The following RTN2 variants were observed in gnomAD, a reference collection of about 807,000 sequenced individuals.
The protein encoded by RTN2 is reticulon-2.
Under a neutral mutation model 63.7 loss-of-function variants are expected in RTN2, and 36 were observed. The observed-to-expected ratio is 0.56, with a 90% CI of 0.43 to 0.75. The LOEUF is 0.75. RTN2 is among the 30% of genes least tolerant of loss of function. RTN2 has a pLI of 0.00. For synonymous variants in RTN2, 312 were observed against 313.0 expected (o/e 1.00, Z 0.03); for missense variants, 673 against 705.1 (o/e 0.95, Z 0.52).
At chr19:45,487,589 T>TTG (rs1968054273) in intron 9 of RTN2, among the ~76,000 whole-genome samples, 1 of 143,634 alleles carries the variant, frequency 7.0e-6, no homozygotes, top group African/African-American at 2.6e-5. Flanking sequence ...TTTGGTTTTT[T>TTG]TTTTTTTTTT....
At chr19:45,486,825 C>A (rs1458694916) in intron 9 of RTN2, among the ~76,000 whole-genome samples, 9 of 148,148 alleles carry the variant, frequency 6.1e-5, no homozygotes, top group Non-Finnish European at 1.0e-4. Context: ...ACCACTGCCT[C>A]CCGGGTTCAA....
rs761869759 is a variant in RTN2 at position 45,494,634 on chromosome 19, C to T, written c.451G>A (p.Ala151Thr). The stretch of plus-strand genomic sequence containing the variant: ...TCCTCCCCGGATCCCGTTCCCCGGG[C>T]CACCCAGCCCAGATGGTCCAACCGA... ...RLRLDHLGWV[A>T]RGTGSGEDSS... The change falls in exon 3 of 11, where the codon GCC becomes ACC. Residue 151 changes from alanine (A) to threonine (T), a missense_variant. By Grantham distance (58) the Ala-to-Thr change is moderately conservative (BLOSUM62 0). Coordinates refer to ENST00000245923, the MANE Select transcript of RTN2 (RefSeq NM_005619.5). The surrounding 1 kb of genome is among the most constrained non-coding windows in gnomAD (Gnocchi z 5.3). 6.2e-7 allele frequency: 1 copy of T among 1,613,902 alleles called. No individual in the cohort carries two copies. Among genetic ancestry groups the T allele is most frequent in the Non-Finnish European group, 8.5e-7 (1 of 1,180,028 alleles).
chr19:45,489,763 C>T (rs920936615), intron 5 of RTN2, among the ~76,000 whole-genome samples: 1 of 150,102 alleles, frequency 6.7e-6, no homozygotes, highest in South Asian at 2.1e-4. Flanking sequence ...ACTGCAGCCT[C>T]GATCTCCTGG....
intron 5 of RTN2, among the ~76,000 whole-genome samples, chr19:45,490,535 CTGTGTGTGTGTGTGTGTGTGTGTGTG>C (rs56279132): frequency 6.9e-6 from 1 of 145,766 alleles, no homozygotes; most frequent in African/African-American, 2.6e-5. Context: ...GGTTGTGTGT[CTGTGTGTGTGTGTGTGTGTGTGTGTG>C]TGTGTGTGTT....
At chr19:45,495,278 C>T (rs1599914969) in intron 1 of RTN2, 139 bp from the exon 2 acceptor site, 1 of 944,032 alleles carries the variant, frequency 1.1e-6, no homozygotes, top group East Asian at 2.6e-5. Flanking sequence ...AACCTAGCAT[C>T]ACTGCCTGAT....
Position 45,494,204 on chromosome 19 carries a change from G to A in RTN2, c.776C>T (p.Thr259Met). Reference protein sequence around the residue: ...EPVRGQCLDSTDQLEFTVEPR... With the variant: ...EPVRGQCLDSMDQLEFTVEPR... ...CTCCACCGTGAATTCTAATTGGTCC[G>A]TGCTATCGAGGCACTGTCCCCTTAC... Residue 259 changes from threonine (T) to methionine (M), a missense_variant, in exon 4 of 11, where the codon ACG becomes ATG. Physicochemically the swap from Thr to Met is moderately conservative, Grantham distance 81. Transcript: ENST00000245923. The surrounding 1 kb of genome is among the most constrained non-coding windows in gnomAD (Gnocchi z 5.3). The A allele has an allele frequency of 6.2e-7, 1 of 1,607,358 alleles. No homozygotes were observed. Among genetic ancestry groups the A allele is most frequent in the African/African-American group, 1.3e-5 (1 of 74,992 alleles).
In RTN2 at chr19:45,494,681, C is replaced by T. The variant is rs1158609094; in HGVS notation, c.404G>A (p.Arg135His). ...GDPDTAPPSE[R>H]PLEDLRLRLD... ...CCGAAGCCTCAGGTCTTCCAGAGGGCGCTCGGATGGAGGCGCGGTGTCAGG... is the reference window on the plus strand; with the variant it reads ...CCGAAGCCTCAGGTCTTCCAGAGGGTGCTCGGATGGAGGCGCGGTGTCAGG... Residue 135 changes from arginine to histidine, a missense_variant, in exon 3 of 11, where the codon CGC becomes CAC. By Grantham distance (29) the Arg-to-His change is conservative. Coordinates refer to ENST00000245923, the MANE Select transcript of RTN2 (RefSeq NM_005619.5). The surrounding 1 kb of genome is among the most constrained non-coding windows in gnomAD (Gnocchi z 5.3). 10 of 1,613,642 alleles carry T rather than the reference C, an allele frequency of 6.2e-6. No individual in the cohort carries two copies. In the East Asian group the frequency reaches 1.6e-4, roughly 25 times the overall value.
chr19:45,490,088 G>C (rs564439856), intron 5 of RTN2, among the ~76,000 whole-genome samples: 1 of 151,952 alleles, frequency 6.6e-6, no homozygotes, highest in African/African-American at 2.4e-5. Context: ...TGCAACCTCC[G>C]CCTCCCTGGT....
Position 45,497,018 on chromosome 19 carries a change from C to T in RTN2, c.-193G>A, listed in dbSNP as rs975041947. ...GCCCTGGTGCTCGGCTCGGCGGGGG[C>T]GGGCGGGGCCGAGGTGGGGAAGGCA... On this transcript the variant is annotated 5_prime_UTR_variant, in exon 1 of 11. Transcript: ENST00000245923. The T allele has an allele frequency of 5.0e-5, 12 of 241,426 alleles. No homozygotes were observed. Among genetic ancestry groups the T allele is most frequent in the Non-Finnish European group, 6.9e-5 (9 of 131,180 alleles). 15.0% of individuals were successfully genotyped at this position (241,426 alleles called of 1,614,324 possible).
rs2122229330 is a variant in RTN2 at position 45,495,106 on chromosome 19, T to C, written c.68A>G (p.Asp23Gly). 3 of 1,614,090 alleles carry C rather than the reference T, an allele frequency of 1.9e-6. No individual in the cohort carries two copies. Among genetic ancestry groups the C allele is most frequent in the Non-Finnish European group, 2.5e-6 (3 of 1,180,006 alleles). ...EAPSTASSTP[D>G]STEGGNDDSD... ...TCCCCACCACTTACCTTCTGTGGAA[T>C]CAGGAGTTGAGGAGGCTGTAGACGG... The change falls in exon 2 of 11, where the codon GAT becomes GGT. Residue 23 changes from aspartate to glycine, a missense_variant. By Grantham distance (94) the Asp-to-Gly change is moderately conservative. Coordinates refer to ENST00000245923, the MANE Select transcript of RTN2 (RefSeq NM_005619.5).
At position 45,489,561 on chromosome 19, in the gene RTN2, G is replaced by A; in HGVS notation, c.1034-8C>T. 4.4e-6 allele frequency: 7 copies of A among 1,583,036 alleles called. No homozygotes were observed. The highest frequency in any genetic ancestry group is 5.2e-6 in the Non-Finnish European group (6 of 1,164,560). On this transcript the variant is annotated splice_region_variant and splice_polypyrimidine_tract_variant and intron_variant, in intron 5 of 10. Coordinates refer to ENST00000245923, the MANE Select transcript of RTN2 (RefSeq NM_005619.5). Reference sequence around the variant, plus strand: ...AGTACAGCAGGTCCGCCACTGTGGAGGGGTGGGGGGCATCAGGGCTTGTAC... The same window carrying A: ...AGTACAGCAGGTCCGCCACTGTGGAAGGGTGGGGGGCATCAGGGCTTGTAC...
chr19:45,486,683 T>G (rs948532048), intron 9 of RTN2, among the ~76,000 whole-genome samples: 3 of 151,148 alleles, frequency 2.0e-5, no homozygotes, highest in African/African-American at 7.3e-5. Context: ...GGCTAATTTT[T>G]GGATTATTTA....
At chr19:45,496,455 C>A (rs1370991261) in intron 1 of RTN2, 1 of 254,618 alleles carries the variant, frequency 3.9e-6, no homozygotes. Context: ...CTCCGTTCAA[C>A]CCCCTCCCCG....
Position 45,485,338 on chromosome 19 carries a change from C to G in RTN2, c.*370G>C, listed in dbSNP as rs527810528. On this transcript the variant is annotated 3_prime_UTR_variant, in exon 11 of 11. Coordinates refer to ENST00000245923, the MANE Select transcript of RTN2 (RefSeq NM_005619.5). ...TTACAGTGTAAATCCAAGCTCAGGC[C>G]TCCCCTGGGCCCCATGCAAAGCCCC... 24 of 242,820 alleles carry G rather than the reference C, an allele frequency of 9.9e-5. No individual in the cohort carries two copies. The South Asian group carries it at 1.5e-3, about 16-fold the overall frequency. The allele number at this position is 242,820 out of a possible 1,614,324, so 15.0% of individuals were successfully genotyped here. A position where few individuals can be genotyped will look rare whatever the true frequency, so the allele number is the denominator to read the frequency against.
chr19:45,492,783 C>T (rs1599911850), intron 5 of RTN2, among the ~76,000 whole-genome samples: 1 of 152,326 alleles, frequency 6.6e-6, no homozygotes, highest in African/African-American at 2.4e-5. Flanking sequence ...AGGCAGGCTC[C>T]TAGTGGCCGG....
In RTN2 at chr19:45,490,459, ATATTCTCACC is replaced by A. The variant is rs575489415; in HGVS notation, c.1034-916_1034-907del. Among the ~76,000 whole-genome samples, 72 of 152,052 alleles carry A rather than the reference ATATTCTCACC, an allele frequency of 4.7e-4. 1 individual carries two copies. The highest frequency in any genetic ancestry group is 1.7e-3 in the African/African-American group (69 of 41,448). Reference sequence around the variant, plus strand: ...GGCTGCAAGCAACATCCTCCAACAGATATTCTCACCTCCTGGAGTGACTATTTCTGAGACA... The same window carrying A: ...GGCTGCAAGCAACATCCTCCAACAGATCCTGGAGTGACTATTTCTGAGACA... On this transcript the variant is annotated intron_variant, in intron 5 of 10. Transcript: ENST00000245923.
chr19:45,485,955 G>T, intron 10 of RTN2, 100 bp downstream of exon 10: 1 of 1,307,838 alleles, frequency 7.6e-7, no homozygotes, highest in Non-Finnish European at 1.1e-6. Flanking sequence ...TTTTCAAGGG[G>T]ACATTACCCC....
chr19:45,491,264 T>C, intron 5 of RTN2, among the ~76,000 whole-genome samples: 1 of 150,532 alleles, frequency 6.6e-6, no homozygotes, highest in Admixed American at 6.6e-5. Context: ...GGCGTGATCA[T>C]GGCTCACTAC....
Position 45,494,036 on chromosome 19 carries a change from T to G in RTN2, c.814+130A>C. 22 of 1,377,422 alleles carry G rather than the reference T, an allele frequency of 1.6e-5. No homozygotes were observed. Among genetic ancestry groups the G allele is most frequent in the Non-Finnish European group, 2.0e-5 (20 of 1,018,252 alleles). The allele number at this position is 1,377,422 out of a possible 1,614,324, so 85.3% of individuals were successfully genotyped here. ...GGAGTTTATCACGTCTAGCCAGATG[T>G]GATATCACGTCTATCTCTTCCCTTT... On this transcript the variant is annotated intron_variant, in intron 4 of 10. Coordinates refer to ENST00000245923, the MANE Select transcript of RTN2 (RefSeq NM_005619.5). The surrounding 1 kb of genome is among the most constrained non-coding windows in gnomAD (Gnocchi z 5.3).
Sources: allele counts gnomAD v4.1 joint callset (sites outside exome capture counted in the v4.1 genomes callset), GRCh38; gene constraint gnomAD v4.1.1; non-coding constraint Gnocchi (gnomAD v3.1); transcripts MANE v1.5; gene names NCBI Gene and HGNC (gene_info 2026-07-23, HGNC 2026-07-21).